The following EPN2 variants were observed in gnomAD, a reference collection of about 807,000 sequenced individuals.
EPN2 encodes epsin-2.
EPN2 carries 34 observed loss-of-function variants against 61.7 expected under a neutral mutation model. That is an observed-to-expected ratio of 0.55 (90% confidence interval 0.42 to 0.73). The LOEUF (loss-of-function observed/expected upper bound fraction) is 0.73, where lower values mean the gene tolerates loss of function less well. Ranked by LOEUF, EPN2 falls within the 30% of genes least tolerant of loss-of-function variation. The pLI, the probability that EPN2 is intolerant of heterozygous loss-of-function variation, is 0.00. For missense variants in EPN2, 714 were observed against 839.2 expected (o/e 0.85, Z 1.84); for synonymous variants, 349 against 353.6 (o/e 0.99, Z 0.15).
Position 19,335,428 on chromosome 17 carries a change from C to CTG in EPN2, c.*1176_*1177dup. The CTG allele has an allele frequency of 6.5e-7, 1 of 1,550,088 alleles. No individual in the cohort carries two copies. Among genetic ancestry groups the CTG allele is most frequent in the South Asian group, 1.2e-5 (1 of 84,006 alleles). On this transcript the variant is annotated 3_prime_UTR_variant, in exon 11 of 11. Transcript: ENST00000314728. Reference sequence around the variant, plus strand: ...AGGCATGCAGGGATTAACAGGACTTCTGTTTACAATGGAAATCTGAAATGG... The same window carrying CTG: ...AGGCATGCAGGGATTAACAGGACTTCTGTGTTTACAATGGAAATCTGAAATGG...
chr17:19,302,462 T>TTC (rs1295309921), intron 4 of EPN2, among the ~76,000 whole-genome samples: 1 of 152,160 alleles, frequency 6.6e-6, no homozygotes, highest in Non-Finnish European at 1.5e-5. Context: ...TGGCATTAGA[T>TTC]TCTCATAGGA....
At chr17:19,265,788 CA>C (rs2045191476) in intron 1 of EPN2, among the ~76,000 whole-genome samples, 1 of 152,192 alleles carries the variant, frequency 6.6e-6, no homozygotes, top group Non-Finnish European at 1.5e-5. Flanking sequence ...CCAGCACCTC[CA>C]GCCATGTTTG....
intron 1 of EPN2, chr17:19,273,139 C>T (rs1335829408): frequency 6.6e-6 from 1 of 152,202 alleles, no homozygotes; most frequent in African/African-American, 2.4e-5. Flanking sequence ...TCCAGTGGCT[C>T]TCAGATCCTG....
At chr17:19,308,300 C>G (rs1240291485) in intron 4 of EPN2, 1 of 867,392 alleles carries the variant, frequency 1.2e-6, no homozygotes, top group East Asian at 1.2e-4. Flanking sequence ...TCTAGAACTC[C>G]TGGCCTCAGG....
At chr17:19,274,537 G>A (rs1233919675) in intron 1 of EPN2, 1 of 152,198 alleles carries the variant, frequency 6.6e-6, no homozygotes, top group Non-Finnish European at 1.5e-5. Context: ...GGAGTGGAAA[G>A]ACAGCTCCCT....
intron 4 of EPN2, among the ~76,000 whole-genome samples, chr17:19,302,622 A>G (rs1461631045): frequency 6.6e-6 from 1 of 152,200 alleles, no homozygotes; most frequent in Non-Finnish European, 1.5e-5. Flanking sequence ...CACTGATTCT[A>G]TATTATGGTG....
In EPN2 at chr17:19,285,199, CTTT is replaced by C. The variant is rs2045392789; in HGVS notation, c.596-419_596-417del. ...GGGGAGCTGCCATTCTCTTTATGTG[CTTT>C]TCATGGTCATTATTCTCAAGAAGCC... is the stretch of plus-strand genomic sequence containing the variant. On this transcript the variant is annotated intron_variant, in intron 3 of 10. Coordinates refer to ENST00000314728, the MANE Select transcript of EPN2 (RefSeq NM_014964.5). The surrounding 1 kb of genome is among the most constrained non-coding windows in gnomAD (Gnocchi z 4.5). Among the ~76,000 whole-genome samples, 2 of 152,164 alleles carry C rather than the reference CTTT, an allele frequency of 1.3e-5. No homozygotes were observed. The highest frequency in any genetic ancestry group is 1.5e-5 in the Non-Finnish European group (1 of 68,024).
intron 1 of EPN2, among the ~76,000 whole-genome samples, chr17:19,279,001 G>A (rs1053653895): frequency 6.6e-6 from 1 of 152,186 alleles, no homozygotes; most frequent in Non-Finnish European, 1.5e-5. Flanking sequence ...CAAGAAAATA[G>A]CAGGCAGCCA....
intron 4 of EPN2, among the ~76,000 whole-genome samples, chr17:19,303,141 T>C (rs1005235054): frequency 2.6e-5 from 4 of 152,194 alleles, no homozygotes; most frequent in Admixed American, 2.6e-4. Context: ...CTTCCTTTTA[T>C]GCTGAAATAT....
At chr17:19,263,016 G>A (rs1473831314) in intron 1 of EPN2, among the ~76,000 whole-genome samples, 1 of 152,214 alleles carries the variant, frequency 6.6e-6, no homozygotes, top group African/African-American at 2.4e-5. Context: ...GTCTTTGGCA[G>A]TCGTGAGTAA....
intron 5 of EPN2, among the ~76,000 whole-genome samples, chr17:19,311,318 G>A (rs920019174): frequency 6.6e-5 from 10 of 152,032 alleles, no homozygotes; most frequent in Non-Finnish European, 1.3e-4. Flanking sequence ...ACAGACGGAC[G>A]GTTTGAGCCC....
intron 4 of EPN2, chr17:19,308,665 G>A (rs1258893579): frequency 1.0e-6 from 1 of 985,312 alleles, no homozygotes; most frequent in Non-Finnish European, 1.2e-6. Flanking sequence ...GACAGGGCAA[G>A]GAACCATCTA....
In EPN2 at chr17:19,255,367, G is replaced by A. The variant is rs190651133; in HGVS notation, c.-294+17836G>A. ...AGCTGTAATGTGACCTGCACTTTGG[G>A]TTCTAACCTGGCCTTCTGGCTCAAC... On this transcript the variant is annotated intron_variant, in intron 1 of 10. Transcript: ENST00000314728. Among the ~76,000 whole-genome samples, 352 of 151,878 alleles carry A rather than the reference G, an allele frequency of 2.3e-3. 3 individuals are homozygous for A. Among genetic ancestry groups the A allele is most frequent in the Non-Finnish European group, 2.9e-3 (200 of 67,962 alleles).
chr17:19,324,005 C>T (rs1342632352), intron 7 of EPN2, among the ~76,000 whole-genome samples: 3 of 152,174 alleles, frequency 2.0e-5, no homozygotes, highest in Non-Finnish European at 4.4e-5. Flanking sequence ...GAGAACATTT[C>T]AGAAGTAATA....
chr17:19,314,029 G>A (rs956630197), intron 7 of EPN2, among the ~76,000 whole-genome samples: 1 of 152,146 alleles, frequency 6.6e-6, no homozygotes, highest in Non-Finnish European at 1.5e-5. Flanking sequence ...TATATCTTGT[G>A]GCATCTTGCC....
chr17:19,322,476 T>G (rs1298425503), intron 7 of EPN2, among the ~76,000 whole-genome samples: 1 of 151,724 alleles, frequency 6.6e-6, no homozygotes, highest in Non-Finnish European at 1.5e-5. Flanking sequence ...AGGTGCAGTG[T>G]CTCCTTGCGC....
intron 1 of EPN2, among the ~76,000 whole-genome samples, chr17:19,241,955 A>G (rs1292101559): frequency 6.6e-6 from 1 of 152,192 alleles, no homozygotes; most frequent in East Asian, 1.9e-4. Context: ...CATTTAAATA[A>G]TAGAATAAAT....
chr17:19,335,768 G>T lies in EPN2; in HGVS notation c.*1514G>T. ...CCTGGGAGGGATTTTTAACAAACATGCACTAATATTACCTCCCTCTTCCAA... is the reference window on the plus strand; with the variant it reads ...CCTGGGAGGGATTTTTAACAAACATTCACTAATATTACCTCCCTCTTCCAA... On this transcript the variant is annotated 3_prime_UTR_variant, in exon 11 of 11. Coordinates refer to ENST00000314728, the MANE Select transcript of EPN2 (RefSeq NM_014964.5). 7.2e-6 allele frequency: 2 copies of T among 278,126 alleles called. No homozygotes were observed. Among genetic ancestry groups the T allele is most frequent in the East Asian group, 6.2e-5 (1 of 16,232 alleles). The allele number at this position is 278,126 out of a possible 1,614,324, so 17.2% of individuals were successfully genotyped here.
At chr17:19,248,194 G>A (rs1007510917) in intron 1 of EPN2, among the ~76,000 whole-genome samples, 2 of 152,190 alleles carry the variant, frequency 1.3e-5, no homozygotes, top group Non-Finnish European at 2.9e-5. Flanking sequence ...TGGATTGGCT[G>A]GTGGAATCAG....
Sources: gnomAD v4.1 joint callset for allele counts (sites outside exome capture counted in the v4.1 genomes callset) on GRCh38, gnomAD v4.1.1 for gene constraint, Gnocchi (gnomAD v3.1) non-coding constraint, MANE v1.5 for transcripts, NCBI Gene and HGNC (gene_info 2026-07-23, HGNC 2026-07-21) for gene names.